Variants in PIBF1 observed in about 807,000 individuals in gnomAD.
PIBF1 encodes the protein progesterone-induced-blocking factor 1.
Under a neutral mutation model 112.5 loss-of-function variants are expected in PIBF1, and 90 were observed. The ratio of observed to expected loss-of-function variants is 0.80; its 90% CI spans 0.67 to 0.95. The LOEUF (loss-of-function observed/expected upper bound fraction) is 0.95. Among genes scored for constraint, PIBF1 ranks in the 40% least tolerant of loss-of-function variants. The probability of loss-of-function intolerance (pLI) is 0.00; values close to 1 mark genes in which losing one functional copy is unlikely to be tolerated. For synonymous variants in PIBF1, 301 were observed against 288.6 expected (o/e 1.04, Z -0.44); for missense variants, 915 against 852.3 (o/e 1.07, Z -0.92).
At chr13:72,886,497 C>T (rs925262389) in intron 10 of PIBF1, among the ~76,000 whole-genome samples, 1 of 151,304 alleles carries the variant, frequency 6.6e-6, no homozygotes, top group South Asian at 2.1e-4. Context: ...TTATCTCATA[C>T]ATGCTTTTAT....
At chr13:72,826,968 G>A in intron 6 of PIBF1, 42 bp from the exon 7 acceptor site, 1 of 1,186,638 alleles carries the variant, frequency 8.4e-7, no homozygotes, top group Non-Finnish European at 1.2e-6. Flanking sequence ...CTGTACAAGG[G>A]GATGTAAAAT....
At chr13:72,894,264 A>G (rs1387249473) in intron 11 of PIBF1, among the ~76,000 whole-genome samples, 1 of 152,046 alleles carries the variant, frequency 6.6e-6, no homozygotes, top group Non-Finnish European at 1.5e-5. Context: ...GACATGTGAA[A>G]TGAAACACCA....
rs1179006791 is a variant in PIBF1 at position 72,900,242 on chromosome 13, G to GA, written c.1488+6302dup. Among the ~76,000 whole-genome samples, 20 of 151,242 alleles carry GA rather than the reference G, an allele frequency of 1.3e-4. No homozygotes were observed. The South Asian group carries it at 1.9e-3, about 14-fold the overall frequency. On this transcript the variant is annotated intron_variant, in intron 11 of 17. Coordinates refer to ENST00000326291, the MANE Select transcript of PIBF1 (RefSeq NM_006346.4). ...ACCACCATCATTCTTCCCAGAGTTA[G>GA]AAAAAAAAATTCTAAAATTCATGTG... is the stretch of plus-strand genomic sequence containing the variant.
intron 14 of PIBF1, among the ~76,000 whole-genome samples, chr13:72,959,952 T>C (rs1194221978): frequency 6.6e-6 from 1 of 152,156 alleles, no homozygotes; most frequent in Non-Finnish European, 1.5e-5. Flanking sequence ...TGAATAGTAA[T>C]TATTATAGGT....
intron 16 of PIBF1, among the ~76,000 whole-genome samples, chr13:72,982,149 A>C (rs914095036): frequency 1.6e-4 from 25 of 152,142 alleles, no homozygotes; most frequent in African/African-American, 5.8e-4. Context: ...AATATTATCT[A>C]TCATTTGAGA....
At position 72,890,466 on chromosome 13, in the gene PIBF1, A is replaced by G. The variant is rs531932438; in HGVS notation, c.1323-3318A>G. ...AGTTCTAGTCCTTTCTGTTATTTTT[A>G]AAGTAGTATTTGGTATATGGTTGGG... On this transcript the variant is annotated intron_variant, in intron 10 of 17. Coordinates refer to ENST00000326291, the MANE Select transcript of PIBF1 (RefSeq NM_006346.4). 1.1e-3 allele frequency among the ~76,000 whole-genome samples: 175 copies of G among 152,234 alleles called. 2 individuals are homozygous for G. The highest frequency in any genetic ancestry group is 3.9e-3 in the African/African-American group (161 of 41,552).
At chr13:72,845,191 C>T (rs1487635065) in intron 9 of PIBF1, among the ~76,000 whole-genome samples, 1 of 151,754 alleles carries the variant, frequency 6.6e-6, no homozygotes, top group East Asian at 1.9e-4. Context: ...TCCCTGTTTC[C>T]GTGTGTTCTC....
chr13:72,816,965 G>A (rs141285301), intron 5 of PIBF1, among the ~76,000 whole-genome samples: 1 of 152,010 alleles, frequency 6.6e-6, no homozygotes, highest in South Asian at 2.1e-4. Context: ...AGCTTAATTA[G>A]GTTTCTTGTT....
chr13:72,854,689 T>G (rs1260952859), intron 10 of PIBF1, among the ~76,000 whole-genome samples: 1 of 152,228 alleles, frequency 6.6e-6, no homozygotes, highest in Non-Finnish European at 1.5e-5. Context: ...TTTGAAAGTG[T>G]GTGTTTTTAT....
At chr13:72,836,547 T>G (rs2037369747) in intron 9 of PIBF1, among the ~76,000 whole-genome samples, 1 of 152,174 alleles carries the variant, frequency 6.6e-6, no homozygotes, top group Non-Finnish European at 1.5e-5. Context: ...AAACTATATA[T>G]GTAGAATTAT....
At chr13:72,964,838 G>A (rs1051912072) in intron 14 of PIBF1, among the ~76,000 whole-genome samples, 1 of 152,104 alleles carries the variant, frequency 6.6e-6, no homozygotes, top group Non-Finnish European at 1.5e-5. Context: ...TGAGGTGGGC[G>A]ATCACCTGAG....
At chr13:72,971,762 C>T (rs1276958800) in intron 15 of PIBF1, among the ~76,000 whole-genome samples, 1 of 151,986 alleles carries the variant, frequency 6.6e-6, no homozygotes. Context: ...TTATGCTTTA[C>T]AGCACACATT....
rs1176079981 is a variant in PIBF1, at chr13:73,010,810, C to CT, written c.2224-5029dup. On this transcript the variant is annotated intron_variant, in intron 17 of 17. Coordinates refer to ENST00000326291, the MANE Select transcript of PIBF1 (RefSeq NM_006346.4). Reference sequence around the variant, plus strand: ...CTGAGCTGGAAAATCATTAACTTTTCTTTTTTTTTTTTTTTTTTTTTTTTT... The same window carrying CT: ...CTGAGCTGGAAAATCATTAACTTTTCTTTTTTTTTTTTTTTTTTTTTTTTTT... Among the ~76,000 whole-genome samples, 25 of 40,304 alleles carry CT rather than the reference C, an allele frequency of 6.2e-4. 2 individuals carry two copies. The highest frequency in any genetic ancestry group is 3.6e-3 in the South Asian group (3 of 834). The allele number at this position is 40,304 out of a possible 152,430, so 26.4% of individuals were successfully genotyped here.
chr13:72,973,833 T>C (rs1566506968), intron 16 of PIBF1, 158 bp downstream of exon 16: 2 of 545,980 alleles, frequency 3.7e-6, no homozygotes, highest in Non-Finnish European at 6.5e-6. Flanking sequence ...ACTTTTGATA[T>C]ACTTCTTAGA....
intron 14 of PIBF1, among the ~76,000 whole-genome samples, chr13:72,934,968 T>A (rs572146841): frequency 4.8e-4 from 68 of 142,432 alleles, no homozygotes; most frequent in African/African-American, 1.3e-3. Flanking sequence ...TTAGTTAGTT[T>A]GTTTGTCTGT....
intron 13 of PIBF1, among the ~76,000 whole-genome samples, chr13:72,918,639 C>G (rs1185588704): frequency 2.0e-5 from 3 of 151,990 alleles, no homozygotes; most frequent in African/African-American, 7.3e-5. Flanking sequence ...AGTGATCCAC[C>G]TGCCTCGGCC....
intron 6 of PIBF1, among the ~76,000 whole-genome samples, chr13:72,823,148 GAT>G (rs2036638590): frequency 6.6e-6 from 1 of 152,082 alleles, no homozygotes; most frequent in South Asian, 2.1e-4. Context: ...ATGCTAAGAT[GAT>G]ACCAGTTGGT....
chr13:72,884,444 G>A (rs2039764623), intron 10 of PIBF1: 1 of 152,124 alleles, frequency 6.6e-6, no homozygotes, highest in Non-Finnish European at 1.5e-5. Context: ...CCAACCTAGA[G>A]AGGAAAAGCA....
chr13:73,002,771 G>A (rs1055511802), intron 17 of PIBF1, among the ~76,000 whole-genome samples: 1 of 152,026 alleles, frequency 6.6e-6, no homozygotes, highest in Non-Finnish European at 1.5e-5. Flanking sequence ...ATCACCTGAG[G>A]TAAGGAGTTC....
Sources: gnomAD v4.1 joint callset for allele counts (sites outside exome capture counted in the v4.1 genomes callset) on GRCh38, gnomAD v4.1.1 for gene constraint, MANE v1.5 for transcripts, NCBI Gene and HGNC (gene_info 2026-07-23, HGNC 2026-07-21) for gene names.